Variants in SUV39H2 observed in about 807,000 individuals in gnomAD.
SUV39H2 encodes the protein histone-lysine N-methyltransferase SUV39H2.
SUV39H2 carries 10 observed loss-of-function variants against 47.5 expected under a neutral mutation model. That is an observed-to-expected ratio of 0.21 (90% CI 0.13 to 0.36). The LOEUF (loss-of-function observed/expected upper bound fraction) is 0.36. SUV39H2 is among the 10% of genes least tolerant of loss of function. The pLI, the probability that SUV39H2 is intolerant of heterozygous loss-of-function variation, is 1.00. For missense variants in SUV39H2, 266 were observed against 487.4 expected (o/e 0.55, Z 4.28); for synonymous variants, 159 against 166.8 (o/e 0.95, Z 0.36).
intron 1 of SUV39H2, among the ~76,000 whole-genome samples, chr10:14,879,368 G>C (rs1413324239): frequency 6.6e-6 from 1 of 152,206 alleles, no homozygotes; most frequent in Admixed American, 6.5e-5. Context: ...CCGCCGGCGT[G>C]AACATGACCT....
intron 2 of SUV39H2, among the ~76,000 whole-genome samples, chr10:14,895,647 T>C (rs556047175): frequency 1.3e-5 from 2 of 152,260 alleles, no homozygotes; most frequent in South Asian, 4.2e-4. Context: ...GTGGCTTGAG[T>C]GCCTGCTACC....
At chr10:14,893,728 G>C (rs763273705) in intron 2 of SUV39H2, among the ~76,000 whole-genome samples, 90 of 152,300 alleles carry the variant, frequency 5.9e-4, no homozygotes, top group Admixed American at 9.2e-4. Context: ...AAGCATTCAT[G>C]TTTTATAAGC....
intron 2 of SUV39H2, among the ~76,000 whole-genome samples, chr10:14,893,205 G>A (rs1312303869): frequency 6.0e-5 from 9 of 151,158 alleles, no homozygotes; most frequent in African/African-American, 1.2e-4. Context: ...GGGTTTCACC[G>A]TGTTAGCCAG....
rs758057876 is a variant in SUV39H2 at position 14,896,993 on chromosome 10, G to C, written c.325G>C (p.Ala109Pro). ...TTTATCTCAGGTAAAGAAAGGCAAA[G>C]CAATAACTCCAAAAGACAATAACAA... ...NYLSQVKKGK[A>P]ITPKDNNKTL... Residue 109 changes from alanine (A) to proline (P), a missense_variant, in exon 3 of 6, where the codon GCA (alanine) becomes CCA (proline). Ala to Pro is a conservative substitution (Grantham distance 27). Coordinates refer to ENST00000354919, the MANE Select transcript of SUV39H2 (RefSeq NM_001193424.2). 6.2e-7 allele frequency: 1 copy of C among 1,614,056 alleles called. No individual in the cohort carries two copies. Among genetic ancestry groups the C allele is most frequent in the Middle Eastern group, 1.6e-4 (1 of 6,062 alleles).
intron 1 of SUV39H2, chr10:14,880,190 C>G (rs1162494604): frequency 6.6e-6 from 1 of 152,216 alleles, no homozygotes; most frequent in Non-Finnish European, 1.5e-5. Flanking sequence ...TCTTCCCCCA[C>G]GTTTTCTGGA....
chr10:14,887,590 A>C (rs530598337), intron 2 of SUV39H2, among the ~76,000 whole-genome samples: 1 of 152,294 alleles, frequency 6.6e-6, no homozygotes, highest in Non-Finnish European at 1.5e-5. Flanking sequence ...AGTAATTGGC[A>C]AAAAGATAGA....
chr10:14,896,583 T>G (rs1833625293), intron 2 of SUV39H2, among the ~76,000 whole-genome samples: 1 of 152,234 alleles, frequency 6.6e-6, no homozygotes, highest in African/African-American at 2.4e-5. Context: ...TTCAGTACCT[T>G]TGTCTTTTTC....
At chr10:14,896,279 G>C (rs536213474) in intron 2 of SUV39H2, among the ~76,000 whole-genome samples, 1 of 152,232 alleles carries the variant, frequency 6.6e-6, no homozygotes, top group African/African-American at 2.4e-5. Flanking sequence ...TCTCAATTCA[G>C]ATTGGCCACA....
At chr10:14,893,454 G>A (rs561582168) in intron 2 of SUV39H2, among the ~76,000 whole-genome samples, 1 of 152,222 alleles carries the variant, frequency 6.6e-6, no homozygotes, top group Non-Finnish European at 1.5e-5. Context: ...TTTATGGATC[G>A]TTTTTGCCAC....
At position 14,885,130 on chromosome 10, in the gene SUV39H2, G is replaced by C. The variant is rs142685969; in HGVS notation, c.177+3485G>C. 1.5e-3 allele frequency among the ~76,000 whole-genome samples: 230 copies of C among 152,224 alleles called. 1 individual carries two copies. Among genetic ancestry groups the C allele is most frequent in the African/African-American group, 4.8e-3 (201 of 41,538 alleles). On this transcript the variant is annotated intron_variant, in intron 2 of 5. Coordinates refer to ENST00000354919, the MANE Select transcript of SUV39H2 (RefSeq NM_001193424.2). ...CTTCTCACCTTGTAGTTGCTCTGTA[G>C]GCAGCCTCTTTCCCAGTGGTTTCTA... is the stretch of plus-strand genomic sequence containing the variant.
At chr10:14,884,089 T>C (rs888288594) in intron 2 of SUV39H2, among the ~76,000 whole-genome samples, 3 of 152,216 alleles carry the variant, frequency 2.0e-5, no homozygotes, top group African/African-American at 7.2e-5. Flanking sequence ...TCGTGGCCAT[T>C]TGAGTTGTTT....
At chr10:14,893,233 GAC>G in intron 2 of SUV39H2, among the ~76,000 whole-genome samples, 1 of 151,786 alleles carries the variant, frequency 6.6e-6, no homozygotes, top group Non-Finnish European at 1.5e-5. Flanking sequence ...TCGATCTCCT[GAC>G]CTCGTGATCC....
chr10:14,890,519 A>G (rs1422959129), intron 2 of SUV39H2, among the ~76,000 whole-genome samples: 1 of 152,134 alleles, frequency 6.6e-6, no homozygotes, highest in Non-Finnish European at 1.5e-5. Context: ...CCGCCTCTTG[A>G]GTAGCTAAGA....
At chr10:14,893,752 A>C (rs180959104) in intron 2 of SUV39H2, among the ~76,000 whole-genome samples, 1 of 152,382 alleles carries the variant, frequency 6.6e-6, no homozygotes, top group African/African-American at 2.4e-5. Context: ...TTTCCTGTTC[A>C]TAAATTCAAG....
At chr10:14,899,044 TAAATC>T (rs1833803693) in intron 3 of SUV39H2, 2 of 583,266 alleles carry the variant, frequency 3.4e-6, no homozygotes, top group East Asian at 5.5e-5. Flanking sequence ...TAAAAAGTCA[TAAATC>T]AACCAGTTAC....
chr10:14,895,736 G>T (rs576016224), intron 2 of SUV39H2, among the ~76,000 whole-genome samples: 1 of 152,260 alleles, frequency 6.6e-6, no homozygotes, highest in East Asian at 1.9e-4. Context: ...AATGCAAGCT[G>T]CAGATGCCAT....
chr10:14,901,046 C>A (rs1482832167), intron 4 of SUV39H2, 87 bp from the exon 5 acceptor site: 3 of 1,508,368 alleles, frequency 2.0e-6, no homozygotes, highest in Non-Finnish European at 2.7e-6. Context: ...TAAACTAAAT[C>A]TCTAGGAAAG....
intron 2 of SUV39H2, among the ~76,000 whole-genome samples, chr10:14,893,919 A>G (rs1421246940): frequency 7.2e-6 from 1 of 138,862 alleles, no homozygotes; most frequent in Non-Finnish European, 1.5e-5. Context: ...CATCATTTCT[A>G]TTTCTTTGAT....
At chr10:14,886,161 C>T (rs1393226612) in intron 2 of SUV39H2, among the ~76,000 whole-genome samples, 1 of 152,142 alleles carries the variant, frequency 6.6e-6, no homozygotes, top group Non-Finnish European at 1.5e-5. Context: ...AAGAACAGAC[C>T]CAGCTTATAT....
Sources: gnomAD v4.1 joint callset for allele counts (sites outside exome capture counted in the v4.1 genomes callset) on GRCh38, gnomAD v4.1.1 for gene constraint, MANE v1.5 for transcripts, NCBI Gene and HGNC (gene_info 2026-07-23, HGNC 2026-07-21) for gene names.